NAALADL2: variants seen among roughly 807,000 people sequenced by gnomAD.
NAALADL2 encodes inactive N-acetylated-alpha-linked acidic dipeptidase-like protein 2.
Under a neutral mutation model 87.2 loss-of-function variants are expected in NAALADL2, and 76 were observed. The ratio of observed to expected loss-of-function variants is 0.87; its 90% CI spans 0.72 to 1.05. NAALADL2 has a LOEUF of 1.05. Among genes scored for constraint, NAALADL2 ranks in the 50% least tolerant of loss-of-function variants. The pLI is 0.00. For missense variants in NAALADL2, 1,089 were observed against 945.8 expected, an observed-to-expected ratio of 1.15 and a Z score of -1.99; for synonymous variants, 354 against 331.0, an observed-to-expected ratio of 1.07 and a Z score of -0.75.
chr3:175,174,534 A>C (rs9824381), intron 2 of NAALADL2, among the ~76,000 whole-genome samples: 121,643 of 151,920 alleles, frequency 0.8, 49,534 homozygotes, highest in East Asian at 0.93. Flanking sequence ...AAATAAAAAG[A>C]AATTTTCTTG....
intron 2 of NAALADL2, among the ~76,000 whole-genome samples, chr3:174,668,817 G>C (rs1296498765): frequency 6.6e-6 from 1 of 152,112 alleles, no homozygotes; most frequent in African/African-American, 2.4e-5. Flanking sequence ...AATCCAGTCT[G>C]TCATTGTTGG....
intron 1 of NAALADL2, among the ~76,000 whole-genome samples, chr3:174,892,961 C>A (rs1484897605): frequency 3.4e-5 from 5 of 148,142 alleles, no homozygotes; most frequent in Non-Finnish European, 7.4e-5. Flanking sequence ...TTGTAGAAAA[C>A]CAAGCAGATT....
intron 11 of NAALADL2, among the ~76,000 whole-genome samples, chr3:175,656,840 G>A (rs771703299): frequency 6.6e-6 from 1 of 151,944 alleles, no homozygotes; most frequent in Non-Finnish European, 1.5e-5. Context: ...TTTTTTGCTG[G>A]ATCAGGCCTG....
intron 11 of NAALADL2, among the ~76,000 whole-genome samples, chr3:175,707,070 G>C (rs1162602102): frequency 2.0e-5 from 3 of 152,184 alleles, no homozygotes; most frequent in Middle Eastern, 3.4e-3. Context: ...ATGTCACTTA[G>C]ATTAAGAAGT....
chr3:175,778,424 G>T (rs1397567752), intron 13 of NAALADL2, among the ~76,000 whole-genome samples: 1 of 152,142 alleles, frequency 6.6e-6, no homozygotes, highest in Non-Finnish European at 1.5e-5. Flanking sequence ...TATAGAAGTG[G>T]TCTCTCCCTT....
chr3:175,143,701 A>G (rs1001873854), intron 2 of NAALADL2, among the ~76,000 whole-genome samples: 1 of 151,958 alleles, frequency 6.6e-6, no homozygotes, highest in Non-Finnish European at 1.5e-5. Context: ...ATCACTGTAA[A>G]CAAAACATTG....
At chr3:175,033,757 C>T (rs1270719474) in intron 1 of NAALADL2, among the ~76,000 whole-genome samples, 1 of 152,134 alleles carries the variant, frequency 6.6e-6, no homozygotes, top group Non-Finnish European at 1.5e-5. Flanking sequence ...ACTCTTTCTT[C>T]TCCCTTTACT....
chr3:174,467,403 G>GC (rs911382835), intron 1 of NAALADL2, among the ~76,000 whole-genome samples: 4 of 151,554 alleles, frequency 2.6e-5, no homozygotes, highest in African/African-American at 9.7e-5. Flanking sequence ...GACCAGCCTG[G>GC]CCAACATGGT....
intron 2 of NAALADL2, among the ~76,000 whole-genome samples, chr3:175,183,024 G>GT (rs1470422417): frequency 2.7e-5 from 4 of 146,702 alleles, no homozygotes; most frequent in Admixed American, 7.1e-5. Context: ...TATTTGGGAA[G>GT]TTTTTTGTGG....
intron 9 of NAALADL2, among the ~76,000 whole-genome samples, chr3:175,570,676 C>T (rs948059562): frequency 4.6e-5 from 7 of 151,904 alleles, no homozygotes; most frequent in South Asian, 2.1e-4. Flanking sequence ...GTCAGGAGAT[C>T]GAGACCATCC....
chr3:174,769,456 A>T (rs1047145141), intron 3 of NAALADL2, among the ~76,000 whole-genome samples: 1 of 152,010 alleles, frequency 6.6e-6, no homozygotes, highest in East Asian at 1.9e-4. Context: ...TATGTATTTA[A>T]GTAATTATTA....
At chr3:175,441,913 G>A (rs1416248850) in intron 5 of NAALADL2, among the ~76,000 whole-genome samples, 1 of 151,792 alleles carries the variant, frequency 6.6e-6, no homozygotes, top group African/African-American at 2.4e-5. Flanking sequence ...TTGGCTAATT[G>A]GCACTTGAAT....
chr3:175,141,612 A>C (rs997950049), intron 2 of NAALADL2, among the ~76,000 whole-genome samples: 2 of 152,100 alleles, frequency 1.3e-5, no homozygotes, highest in African/African-American at 4.8e-5. Flanking sequence ...TTTCATAAGA[A>C]AGTACAGCAA....
intron 1 of NAALADL2, among the ~76,000 whole-genome samples, chr3:174,494,121 T>C (rs1718372782): frequency 6.6e-6 from 1 of 152,046 alleles, no homozygotes; most frequent in South Asian, 2.1e-4. Flanking sequence ...TAAAATCAGG[T>C]TGCACTTGGG....
At chr3:175,063,784 A>G (rs1029465411) in intron 1 of NAALADL2, among the ~76,000 whole-genome samples, 2 of 152,042 alleles carry the variant, frequency 1.3e-5, no homozygotes, top group Non-Finnish European at 1.5e-5. Context: ...CACCCGGCCC[A>G]GTCTGTTTTT....
rs572082313 is a variant in NAALADL2 at position 175,737,395 on chromosome 3, T to C, written c.1986T>C (p.Leu662=). 2.2e-5 allele frequency: 35 copies of C among 1,578,486 alleles called. No homozygotes were observed. The highest frequency in any genetic ancestry group is 2.9e-5 in the Non-Finnish European group (33 of 1,149,642). Residue 662 remains leucine, a synonymous_variant, in exon 12 of 14, where the codon CTT becomes CTC. Transcript: ENST00000454872. ...TAGCTTTAGAAGTTCAAAACAACCT[T>C]AAAGGTAATTTTCCTTTGAATTATA... ...LDIALEVQNN[L]KGDQPNTHQL...
At chr3:175,697,798 T>C (rs1031158875) in intron 11 of NAALADL2, among the ~76,000 whole-genome samples, 2 of 144,260 alleles carry the variant, frequency 1.4e-5, no homozygotes, top group African/African-American at 2.5e-5. Context: ...TGTGTATATA[T>C]GTATATATAT....
chr3:174,769,201 T>G (rs1321434805), intron 3 of NAALADL2, among the ~76,000 whole-genome samples: 1 of 152,088 alleles, frequency 6.6e-6, no homozygotes, highest in African/African-American at 2.4e-5. Flanking sequence ...TTGTCTCTGA[T>G]ATTTGTTATT....
intron 3 of NAALADL2, among the ~76,000 whole-genome samples, chr3:174,796,244 T>C (rs1718068768): frequency 6.6e-6 from 1 of 152,222 alleles, no homozygotes; most frequent in African/African-American, 2.4e-5. Flanking sequence ...AAAATAACTC[T>C]AACGGGTACA....
Sources: gnomAD v4.1 joint callset for allele counts (sites outside exome capture counted in the v4.1 genomes callset) on GRCh38, gnomAD v4.1.1 for gene constraint, MANE v1.5 for transcripts, NCBI Gene and HGNC (gene_info 2026-07-23, HGNC 2026-07-21) for gene names.